SLC24A2: variants seen among roughly 807,000 people sequenced by gnomAD.
SLC24A2 encodes sodium/potassium/calcium exchanger 2.
Under a neutral mutation model 62.0 loss-of-function variants are expected in SLC24A2, and 36 were observed. The observed-to-expected ratio is 0.58, with a 90% CI of 0.44 to 0.77. The LOEUF (loss-of-function observed/expected upper bound fraction) is 0.77. SLC24A2 is among the 30% of genes least tolerant of loss of function. The pLI is 0.00. For missense variants in SLC24A2, 846 were observed against 817.9 expected (o/e 1.03, Z -0.42); for synonymous variants, 358 against 294.0 (o/e 1.22, Z -2.23).
At chr9:20,205,873 T>C in the SLC24A2 span, among the ~76,000 whole-genome samples, 1 of 152,152 alleles carries the variant, frequency 6.6e-6, no homozygotes, top group Non-Finnish European at 1.5e-5. Flanking sequence ...TCTCAGTGCT[T>C]AAAGCCTCTT....
the SLC24A2 span, among the ~76,000 whole-genome samples, chr9:20,147,555 G>A: frequency 6.6e-6 from 1 of 152,140 alleles, no homozygotes; most frequent in Non-Finnish European, 1.5e-5. Flanking sequence ...AGTGCCCAAT[G>A]TAGATATGCC....
chr9:20,003,082 G>A, the SLC24A2 span, among the ~76,000 whole-genome samples: 1 of 152,140 alleles, frequency 6.6e-6, no homozygotes, highest in Non-Finnish European at 1.5e-5. Context: ...CATTCATTTT[G>A]TTTGTTGAAT....
At chr9:20,151,374 A>G in the SLC24A2 span, among the ~76,000 whole-genome samples, 1 of 151,896 alleles carries the variant, frequency 6.6e-6, no homozygotes, top group Non-Finnish European at 1.5e-5. Context: ...AACAGCAAAT[A>G]ATCTCAGTGG....
the SLC24A2 span, among the ~76,000 whole-genome samples, chr9:20,097,425 T>C: frequency 1.3e-5 from 2 of 152,186 alleles, no homozygotes; most frequent in African/African-American, 4.8e-5. Flanking sequence ...TGAGTCTTTC[T>C]CTTTCTTCTA....
At chr9:19,722,528 A>G (rs570685296) in intron 2 of SLC24A2, among the ~76,000 whole-genome samples, 2 of 152,220 alleles carry the variant, frequency 1.3e-5, no homozygotes, top group Admixed American at 1.3e-4. Flanking sequence ...AAAGTGCAGG[A>G]TAAGTCAAGA....
At chr9:19,707,623 C>T (rs1789555476) in intron 2 of SLC24A2, among the ~76,000 whole-genome samples, 1 of 152,142 alleles carries the variant, frequency 6.6e-6, no homozygotes, top group Non-Finnish European at 1.5e-5. Context: ...TAAATGTAAT[C>T]CAGCATATAA....
chr9:19,883,783 T>G, the SLC24A2 span, among the ~76,000 whole-genome samples: 1 of 152,134 alleles, frequency 6.6e-6, no homozygotes, highest in Non-Finnish European at 1.5e-5. Context: ...GCCAGGATGG[T>G]CTTGATCTCC....
intron 5 of SLC24A2, among the ~76,000 whole-genome samples, chr9:19,594,747 T>G (rs1836657834): frequency 6.6e-6 from 1 of 151,670 alleles, no homozygotes; most frequent in Admixed American, 6.5e-5. Flanking sequence ...TTCCTTAAAT[T>G]GTACAACATG....
At chr9:19,947,469 G>C in the SLC24A2 span, among the ~76,000 whole-genome samples, 1 of 151,744 alleles carries the variant, frequency 6.6e-6, no homozygotes, top group African/African-American at 2.4e-5. Flanking sequence ...AGGCAGGAAG[G>C]CAGGAAGGAA....
the SLC24A2 span, among the ~76,000 whole-genome samples, chr9:19,899,383 G>C: frequency 6.6e-6 from 1 of 152,168 alleles, no homozygotes; most frequent in Non-Finnish European, 1.5e-5. Flanking sequence ...CATGAGTCTT[G>C]GATCCCAGGA....
At chr9:19,904,184 C>T in the SLC24A2 span, among the ~76,000 whole-genome samples, 3 of 152,318 alleles carry the variant, frequency 2.0e-5, no homozygotes, top group East Asian at 3.9e-4. Context: ...GAATCTTGGG[C>T]ACCATCCTGG....
At chr9:20,074,924 G>A in the SLC24A2 span, among the ~76,000 whole-genome samples, 250 of 152,276 alleles carry the variant, frequency 1.6e-3, no homozygotes, top group African/African-American at 5.9e-3. Flanking sequence ...GCTATGGCTT[G>A]TAGTCCTAAC....
chr9:19,769,327 C>A (rs761682776), intron 2 of SLC24A2, among the ~76,000 whole-genome samples: 21 of 152,212 alleles, frequency 1.4e-4, no homozygotes, highest in Admixed American at 5.2e-4. Context: ...CTGCTGCCAC[C>A]ACCTGGGCCA....
chr9:19,975,640 G>A, the SLC24A2 span, among the ~76,000 whole-genome samples: 257 of 152,230 alleles, frequency 1.7e-3, 1 homozygote, highest in African/African-American at 5.7e-3. Flanking sequence ...ATTCATTTAT[G>A]TTTATCTTTA....
chr9:20,184,067 T>C, the SLC24A2 span, among the ~76,000 whole-genome samples: 2 of 152,150 alleles, frequency 1.3e-5, no homozygotes, highest in East Asian at 1.9e-4. Context: ...AACTACTCAA[T>C]GATAAGAAAA....
At chr9:20,156,853 T>A in the SLC24A2 span, among the ~76,000 whole-genome samples, 4 of 151,680 alleles carry the variant, frequency 2.6e-5, no homozygotes, top group Non-Finnish European at 4.4e-5. Flanking sequence ...ACACATCAAT[T>A]AACATTTTTC....
chr9:19,530,850 A>T (rs1000260798), intron 8 of SLC24A2, among the ~76,000 whole-genome samples: 5 of 152,148 alleles, frequency 3.3e-5, no homozygotes, highest in Admixed American at 6.6e-5. Context: ...CTGAGAACTT[A>T]CTCTGTACCC....
chr9:20,027,599 T>C, the SLC24A2 span, among the ~76,000 whole-genome samples: 1 of 152,162 alleles, frequency 6.6e-6, no homozygotes, highest in Non-Finnish European at 1.5e-5. Context: ...CTAAAAATGT[T>C]GATCTCATAG....
the SLC24A2 span, among the ~76,000 whole-genome samples, chr9:19,854,395 A>G: frequency 6.6e-6 from 1 of 152,216 alleles, no homozygotes; most frequent in East Asian, 1.9e-4. Flanking sequence ...TAGGATGTCA[A>G]TTTGAGATCT....
Sources: gnomAD v4.1 joint callset for allele counts (sites outside exome capture counted in the v4.1 genomes callset) on GRCh38, gnomAD v4.1.1 for gene constraint, MANE v1.5 for transcripts, NCBI Gene and HGNC (gene_info 2026-07-23, HGNC 2026-07-21) for gene names.